OR2C1: variants seen among roughly 807,000 people sequenced by gnomAD.
OR2C1 encodes olfactory receptor family 2 subfamily C member 1, also known as olfactory receptor 2C1.
For synonymous variants in OR2C1, 209 were observed against 167.3 expected, an observed-to-expected ratio of 1.25 and a Z score of -1.92; for missense variants, 468 against 388.3, an observed-to-expected ratio of 1.21 and a Z score of -1.73.
the OR2C1 span, among the ~76,000 whole-genome samples, chr16:3,325,460 AATAT>A: frequency 0.073 from 6,642 of 91,274 alleles, 182 homozygotes; most frequent in Non-Finnish European, 0.083. Flanking sequence ...TATGTCTAAA[AATAT>A]ATATATATAT....
Position 3,356,351 on chromosome 16 carries a change from C to T in OR2C1, c.411C>T (p.Asn137=), listed in dbSNP as rs1315044777. The stretch of plus-strand genomic sequence containing the variant: ...CCCTCCGCTACACCGCCATCATGAA[C>T]CCCCAGCTCTGCTGGCTGCTGGCTG... ...CRPLRYTAIM[N]PQLCWLLAVI... is the part of the protein sequence containing the mutation. The change falls in exon 1 of 1, where the codon AAC becomes AAT. Residue 137 remains asparagine, a synonymous_variant. Coordinates refer to ENST00000304936, the MANE Select transcript of OR2C1 (RefSeq NM_012368.3). 1 of 1,613,484 alleles carries T rather than the reference C, an allele frequency of 6.2e-7. No homozygotes were observed.
the OR2C1 span, among the ~76,000 whole-genome samples, chr16:3,335,528 T>C: frequency 1.5e-5 from 2 of 132,474 alleles, no homozygotes; most frequent in Admixed American, 7.5e-5. Flanking sequence ...TGCTTTTTTT[T>C]TTTTTTTTTT....
rs1298281338 is a variant in OR2C1 at position 3,356,535 on chromosome 16, C to T, written c.595C>T (p.Leu199Phe). Residue 199 changes from leucine (L) to phenylalanine (F), a missense_variant, in exon 1 of 1, where the codon CTC becomes TTC. Leu to Phe is a conservative substitution (Grantham distance 22, BLOSUM62 0). Coordinates refer to ENST00000304936, the MANE Select transcript of OR2C1 (RefSeq NM_012368.3). The stretch of plus-strand genomic sequence containing the variant: ...CGACACAAGTCTCAACCAGGCTGTG[C>T]TCAATGGTGTCTGCACCTTCTTCAC... ...CGDTSLNQAV[L>F]NGVCTFFTAV... 1 of 1,614,154 alleles carries T rather than the reference C, an allele frequency of 6.2e-7. No individual in the cohort carries two copies. Among genetic ancestry groups the T allele is most frequent in the South Asian group, 1.1e-5 (1 of 91,082 alleles).
chr16:3,338,394 C>T, the OR2C1 span, among the ~76,000 whole-genome samples: 1 of 152,018 alleles, frequency 6.6e-6, no homozygotes, highest in Non-Finnish European at 1.5e-5. Flanking sequence ...TTTTATCTTC[C>T]AGTGTAGAAA....
chr16:3,338,096 A>C, the OR2C1 span, among the ~76,000 whole-genome samples: 3 of 152,134 alleles, frequency 2.0e-5, no homozygotes, highest in Non-Finnish European at 4.4e-5. Context: ...TTATCCCAGT[A>C]GTGTGGGAAG....
the OR2C1 span, among the ~76,000 whole-genome samples, chr16:3,340,546 C>T: frequency 2.0e-5 from 3 of 152,110 alleles, no homozygotes; most frequent in Admixed American, 6.6e-5. Context: ...AAGATTTACC[C>T]GTGTTTCCTT....
chr16:3,342,981 A>G, the OR2C1 span, among the ~76,000 whole-genome samples: 1 of 152,228 alleles, frequency 6.6e-6, no homozygotes, highest in Non-Finnish European at 1.5e-5. Flanking sequence ...CAAGAAGGTT[A>G]CATACTGTGC....
At chr16:3,344,353 CAAT>C in the OR2C1 span, among the ~76,000 whole-genome samples, 1 of 152,190 alleles carries the variant, frequency 6.6e-6, no homozygotes, top group East Asian at 1.9e-4. Context: ...ATTTATTTTA[CAAT>C]GTCCAACCTC....
the OR2C1 span, among the ~76,000 whole-genome samples, chr16:3,345,802 CTT>C: frequency 5.5e-5 from 8 of 145,610 alleles, no homozygotes; most frequent in African/African-American, 1.0e-4. Context: ...CTCTCTTTCT[CTT>C]TTCTCTCCTT....
the OR2C1 span, among the ~76,000 whole-genome samples, chr16:3,327,842 G>T: frequency 6.6e-6 from 1 of 151,272 alleles, no homozygotes; most frequent in Non-Finnish European, 1.5e-5. Flanking sequence ...ACTTGCATTG[G>T]CTTTAATTTT....
At chr16:3,350,560 T>C in the OR2C1 span, among the ~76,000 whole-genome samples, 2 of 151,548 alleles carry the variant, frequency 1.3e-5, no homozygotes, top group African/African-American at 4.8e-5. Flanking sequence ...TACAGGCGCC[T>C]GCCTCCGTGC....
the OR2C1 span, chr16:3,323,506 C>G: frequency 4.0e-6 from 3 of 741,576 alleles, no homozygotes; most frequent in South Asian, 1.4e-5. Flanking sequence ...TTGGAAATCC[C>G]CAGATCACAT....
At chr16:3,350,133 G>C in the OR2C1 span, among the ~76,000 whole-genome samples, 11 of 127,306 alleles carry the variant, frequency 8.6e-5, no homozygotes, top group African/African-American at 6.0e-5. Context: ...TCGGCTCACT[G>C]CAACCACCGC....
At chr16:3,351,169 A>C (rs918043087), upstream of OR2C1, among the ~76,000 whole-genome samples, 3 of 149,396 alleles carry the variant, frequency 2.0e-5, no homozygotes, top group African/African-American at 7.4e-5. Context: ...AAAATGCCCT[A>C]TCGTAATTTC....
chr16:3,348,973 T>G, the OR2C1 span, among the ~76,000 whole-genome samples: 5 of 151,646 alleles, frequency 3.3e-5, no homozygotes, highest in East Asian at 9.7e-4. Flanking sequence ...AGATTATGAG[T>G]CAAAAATAGC....
At chr16:3,323,699 G>C in the OR2C1 span, 1 of 683,796 alleles carries the variant, frequency 1.5e-6, no homozygotes, top group East Asian at 2.5e-5. Flanking sequence ...CAAGGCACGA[G>C]GTTTCATTTC....
the OR2C1 span, among the ~76,000 whole-genome samples, chr16:3,324,844 T>G: frequency 6.6e-6 from 1 of 152,240 alleles, no homozygotes. Flanking sequence ...ATTGCAGGTT[T>G]GGTTCCAGGC....
At chr16:3,329,900 G>A in the OR2C1 span, among the ~76,000 whole-genome samples, 4 of 150,908 alleles carry the variant, frequency 2.7e-5, no homozygotes, top group African/African-American at 4.9e-5. Context: ...GATTACAGGT[G>A]CCCGCCATTA....
the OR2C1 span, among the ~76,000 whole-genome samples, chr16:3,345,870 C>T: frequency 4.4e-5 from 6 of 135,058 alleles, no homozygotes; most frequent in Admixed American, 1.5e-4. Flanking sequence ...CTCTCTCTTT[C>T]GCTTTCAGAC....
Sources: allele counts gnomAD v4.1 joint callset (sites outside exome capture counted in the v4.1 genomes callset), GRCh38; gene constraint gnomAD v4.1.1; transcripts MANE v1.5; gene names NCBI Gene and HGNC (gene_info 2026-07-23, HGNC 2026-07-21).